SLC7A2: variants seen among roughly 807,000 people sequenced by gnomAD.
The protein encoded by SLC7A2 is cationic amino acid transporter 2.
In SLC7A2, 48 loss-of-function variants were observed where a neutral mutation model predicts 58.9. The observed-to-expected ratio is 0.82, with a 90% CI of 0.65 to 1.04. The LOEUF is 1.04. SLC7A2 is among the 50% of genes least tolerant of loss of function. The probability of loss-of-function intolerance (pLI) is 0.00; values close to 1 mark genes in which losing one functional copy is unlikely to be tolerated. For synonymous variants in SLC7A2, 363 were observed against 314.5 expected (o/e 1.15, Z -1.63); for missense variants, 1,029 against 818.8 (o/e 1.26, Z -3.13).
At chr8:17,532,245 A>AAAAAAACAAC (rs1563454478) in intron 2 of SLC7A2, among the ~76,000 whole-genome samples, 1 of 124,338 alleles carries the variant, frequency 8.0e-6, no homozygotes, top group African/African-American at 2.7e-5. Context: ...AAAAAAAAAA[A>AAAAAAACAAC]AAAAAAAAAA....
intron 2 of SLC7A2, among the ~76,000 whole-genome samples, chr8:17,518,743 C>G (rs1800900108): frequency 6.6e-6 from 1 of 152,144 alleles, no homozygotes; most frequent in Admixed American, 6.5e-5. Flanking sequence ...GTCAGACAGA[C>G]TTGATTTTGT....
chr8:17,540,514 G>GA (rs879479503), intron 2 of SLC7A2, among the ~76,000 whole-genome samples: 8 of 148,974 alleles, frequency 5.4e-5, no homozygotes, highest in Admixed American at 2.0e-4. Context: ...CTCCAAAAAA[G>GA]AAAAAAAAAT....
At chr8:17,535,826 C>A (rs1801640030) in intron 2 of SLC7A2, among the ~76,000 whole-genome samples, 1 of 152,084 alleles carries the variant, frequency 6.6e-6, no homozygotes, top group Non-Finnish European at 1.5e-5. Context: ...TCGCTTGAAC[C>A]CGGGAGGCGG....
chr8:17,521,322 C>T (rs1195766280), intron 2 of SLC7A2, among the ~76,000 whole-genome samples: 1 of 152,088 alleles, frequency 6.6e-6, no homozygotes, highest in Non-Finnish European at 1.5e-5. Flanking sequence ...CGTAAATGGC[C>T]TATGTTGGTT....
intron 4 of SLC7A2, among the ~76,000 whole-genome samples, chr8:17,546,638 G>A (rs1251767559): frequency 2.0e-5 from 3 of 152,252 alleles, no homozygotes; most frequent in African/African-American, 7.2e-5. Flanking sequence ...ACAGAGTCAG[G>A]AATTGTGTTG....
upstream of SLC7A2, among the ~76,000 whole-genome samples, chr8:17,496,346 A>G (rs1799957929): frequency 6.6e-6 from 1 of 152,006 alleles, no homozygotes; most frequent in Admixed American, 6.6e-5. Context: ...ACACACATAT[A>G]CACACACACA....
chr8:17,548,332 C>G (rs550114933), intron 4 of SLC7A2, among the ~76,000 whole-genome samples: 5 of 152,174 alleles, frequency 3.3e-5, no homozygotes, highest in Non-Finnish European at 7.3e-5. Context: ...CAGAGCGAGA[C>G]TCTGTCTCAA....
intron 4 of SLC7A2, 52 bp from the exon 5 acceptor site, chr8:17,548,626 G>C (rs1172194016): frequency 1.5e-6 from 2 of 1,365,808 alleles, no homozygotes; most frequent in African/African-American, 1.4e-5. Flanking sequence ...GCCTCAAAAT[G>C]CTATTGCCTT....
chr8:17,501,808 G>A (rs1800172268), intron 1 of SLC7A2, among the ~76,000 whole-genome samples: 1 of 151,680 alleles, frequency 6.6e-6, no homozygotes, highest in African/African-American at 2.4e-5. Context: ...CTACAGAACT[G>A]AGCCTAATCT....
At chr8:17,503,339 C>T (rs1056978887) in intron 2 of SLC7A2, among the ~76,000 whole-genome samples, 6 of 152,094 alleles carry the variant, frequency 3.9e-5, no homozygotes, top group African/African-American at 1.4e-4. Flanking sequence ...TGTGAGCCAC[C>T]GCGCCCGGCT....
At position 17,566,905 on chromosome 8, in the gene SLC7A2, A is replaced by G. The variant is rs1408836785; in HGVS notation, c.*1759A>G. 1 of 152,430 alleles carries G rather than the reference A, an allele frequency of 6.6e-6. No individual in the cohort carries two copies. The highest frequency in any genetic ancestry group is 2.4e-5 in the African/African-American group (1 of 41,444). The allele number at this position is 152,430 out of a possible 1,614,324, so 9.4% of individuals were successfully genotyped here. ...GACAAGGAAAACATTCGTTTTCCTC[A>G]TGGGTCTTCCAAGAAATGAGCTATT... On this transcript the variant is annotated 3_prime_UTR_variant, in exon 13 of 13. Coordinates refer to ENST00000494857, the MANE Select transcript of SLC7A2 (RefSeq NM_001370338.1).
rs1206722613 is a variant in SLC7A2, at chr8:17,570,004, T to G, written c.*4858T>G. Reference sequence around the variant, plus strand: ...TGCAAGTAAGGTAGTTTGGGCTCCTTAATTCCAAACATCCCATGAGTATAT... The same window carrying G: ...TGCAAGTAAGGTAGTTTGGGCTCCTGAATTCCAAACATCCCATGAGTATAT... On this transcript the variant is annotated 3_prime_UTR_variant, in exon 13 of 13. Transcript: ENST00000494857. 6.6e-6 allele frequency: 1 copy of G among 152,188 alleles called. No individual in the cohort carries two copies. The highest frequency in any genetic ancestry group is 1.9e-4 in the East Asian group (1 of 5,198). 9.4% of individuals were successfully genotyped at this position (152,188 alleles called of 1,614,324 possible).
chr8:17,555,535 G>A (rs1388737754), intron 8 of SLC7A2, among the ~76,000 whole-genome samples: 2 of 151,632 alleles, frequency 1.3e-5, no homozygotes, highest in Non-Finnish European at 2.9e-5. Flanking sequence ...GGACCATAGG[G>A]TAAATTAAGC....
chr8:17,539,969 C>T (rs918910145), intron 2 of SLC7A2, among the ~76,000 whole-genome samples: 1 of 152,086 alleles, frequency 6.6e-6, no homozygotes, highest in African/African-American at 2.4e-5. Flanking sequence ...GTTATAAAAA[C>T]TTCAAAGATA....
At chr8:17,538,336 A>T (rs1050806505) in intron 2 of SLC7A2, among the ~76,000 whole-genome samples, 4 of 152,214 alleles carry the variant, frequency 2.6e-5, no homozygotes, top group Admixed American at 2.0e-4. Context: ...AGAAGACTTG[A>T]TTTGGAGAAA....
intron 2 of SLC7A2, among the ~76,000 whole-genome samples, chr8:17,528,355 T>G (rs1801302964): frequency 6.6e-6 from 1 of 152,198 alleles, no homozygotes; most frequent in African/African-American, 2.4e-5. Context: ...AGCTAATGAC[T>G]GTTTTTCGGT....
At chr8:17,501,935 G>A (rs866858153) in intron 1 of SLC7A2, among the ~76,000 whole-genome samples, 1 of 151,252 alleles carries the variant, frequency 6.6e-6, no homozygotes, top group South Asian at 2.1e-4. Flanking sequence ...AATATTTGGT[G>A]AACAATACAC....
At chr8:17,517,216 AC>A (rs1165285562) in intron 2 of SLC7A2, among the ~76,000 whole-genome samples, 10 of 152,218 alleles carry the variant, frequency 6.6e-5, no homozygotes, top group African/African-American at 2.4e-4. Context: ...ATGAGACCAA[AC>A]AAAAACTTGG....
Position 17,570,435 on chromosome 8 carries a change from T to A in SLC7A2, c.*5289T>A, listed in dbSNP as rs1045172778. The A allele has an allele frequency of 6.6e-6, 1 of 152,642 alleles. No homozygotes were observed. Among genetic ancestry groups the A allele is most frequent in the Non-Finnish European group, 1.5e-5 (1 of 68,038 alleles). 9.5% of individuals were successfully genotyped at this position (152,642 alleles called of 1,614,324 possible). Reference sequence around the variant, plus strand: ...TAAATTTAAATGTTTTAAGTGATCATCAGTGTTCCTTTTTACTTATAAAGT... The same window carrying A: ...TAAATTTAAATGTTTTAAGTGATCAACAGTGTTCCTTTTTACTTATAAAGT... On this transcript the variant is annotated 3_prime_UTR_variant, in exon 13 of 13. Transcript: ENST00000494857.
Sources: allele counts gnomAD v4.1 joint callset (sites outside exome capture counted in the v4.1 genomes callset), GRCh38; gene constraint gnomAD v4.1.1; transcripts MANE v1.5; gene names NCBI Gene and HGNC (gene_info 2026-07-23, HGNC 2026-07-21).